Variants in EPHB3 observed in about 807,000 individuals in gnomAD.
EPHB3 encodes EPH receptor B3.
Under a neutral mutation model 100.2 loss-of-function variants are expected in EPHB3, and 33 were observed. The ratio of observed to expected loss-of-function variants is 0.33; its 90% CI spans 0.25 to 0.44. EPHB3 has a LOEUF of 0.44. Among genes scored for constraint, EPHB3 ranks in the 20% least tolerant of loss-of-function variants. EPHB3 has a pLI of 1.00. For missense variants in EPHB3, 1,045 were observed against 1,378.3 expected (o/e 0.76, Z 3.83); for synonymous variants, 526 against 554.7 (o/e 0.95, Z 0.73).
rs965837633 is a variant in EPHB3 at position 184,573,263 on chromosome 3, A to G, written c.856+87A>G. The stretch of plus-strand genomic sequence containing the variant: ...GCCCCGCCCCCCACCCCTGCTTGCT[A>G]TCTGACTAGGAGGTCTGGGAGCAGG... On this transcript the variant is annotated intron_variant, in intron 3 of 15. Coordinates refer to ENST00000330394, the MANE Select transcript of EPHB3 (RefSeq NM_004443.4). The surrounding 1 kb of genome is among the most constrained non-coding windows in gnomAD (Gnocchi z 4.5). 97 of 1,531,408 alleles carry G rather than the reference A, an allele frequency of 6.3e-5. 4 individuals carry two copies. The highest frequency in any genetic ancestry group is 2.2e-4 in the Admixed American group (12 of 54,680). The allele number at this position is 1,531,408 out of a possible 1,614,324, so 94.9% of individuals were successfully genotyped here.
In EPHB3 at chr3:184,573,116, G is replaced by A. The variant is rs1313052497; in HGVS notation, c.796G>A (p.Val266Met). The change falls in exon 3 of 16, where the codon GTG becomes ATG. Residue 266 changes from valine (V) to methionine (M), a missense_variant. Physicochemically the swap from Val to Met is conservative, Grantham distance 21. Coordinates refer to ENST00000330394, the MANE Select transcript of EPHB3 (RefSeq NM_004443.4). This position sits in a 1 kb window ranked among gnomAD's most constrained non-coding sequence, Gnocchi z 4.5. Reference protein sequence around the residue: ...CNGDGEWMVPVGACTCATGHE... With the variant: ...CNGDGEWMVPMGACTCATGHE... ...CGGCGATGGGGAGTGGATGGTGCCT[G>A]TGGGTGCCTGCACCTGTGCCACCGG... 6.2e-7 allele frequency: 1 copy of A among 1,612,844 alleles called. No homozygotes were observed. Among genetic ancestry groups the A allele is most frequent in the Non-Finnish European group, 8.5e-7 (1 of 1,180,030 alleles).
rs1041368667 is a variant in EPHB3, at chr3:184,571,146, G to T, written c.119-172G>T. On this transcript the variant is annotated intron_variant, in intron 1 of 15. Coordinates refer to ENST00000330394, the MANE Select transcript of EPHB3 (RefSeq NM_004443.4). The surrounding 1 kb of genome is among the most constrained non-coding windows in gnomAD (Gnocchi z 5.0). ...ATTTTGTATTTTTAGTAGAGATGGG[G>T]TTTCAACATGTTGGTCAGACTGATC... Among the ~76,000 whole-genome samples, 6 of 151,950 alleles carry T rather than the reference G, an allele frequency of 3.9e-5. No individual in the cohort carries two copies. Among genetic ancestry groups the T allele is most frequent in the Non-Finnish European group, 7.4e-5 (5 of 67,986 alleles).
chr3:184,581,586 G>C lies in EPHB3; in HGVS notation c.2961G>C (p.Arg987=). Residue 987 remains arginine, a synonymous_variant, in exon 16 of 16, where the codon CGG becomes CGC. Transcript: ENST00000330394. ...TCCTGAGCAGTATCCAGGACATGCG[G>C]CTGCAGATGAACCAGACGCTGCCTG... The part of the protein sequence containing the change: ...KKILSSIQDM[R]LQMNQTLPVQ... 1 of 1,613,588 alleles carries C rather than the reference G, an allele frequency of 6.2e-7. No individual in the cohort carries two copies. Among genetic ancestry groups the C allele is most frequent in the Non-Finnish European group, 8.5e-7 (1 of 1,179,864 alleles).
At chr3:184,564,352 C>T (rs1174019452) in intron 1 of EPHB3, among the ~76,000 whole-genome samples, 1 of 152,222 alleles carries the variant, frequency 6.6e-6, no homozygotes, top group African/African-American at 2.4e-5. Context: ...GTCTCCAGTT[C>T]GTGCGTGGGA....
rs199652134 is a variant in EPHB3, at chr3:184,575,998, G to A, written c.1012+13G>A. 8 of 1,600,014 alleles carry A rather than the reference G, an allele frequency of 5.0e-6. No homozygotes were observed. The highest frequency in any genetic ancestry group is 2.3e-5 in the East Asian group (1 of 43,622). ...AGTGCCTGTACCAGTGAGTGAACGC[G>A]TGACCTCTCTTTCCCTCTGCAGGCC... On this transcript the variant is annotated intron_variant, in intron 4 of 15. Transcript: ENST00000330394.
rs1714727585 is a variant in EPHB3 at position 184,578,128 on chromosome 3, T to G, written c.1748+122T>G. ...CTCAGACCCAGGGCCTTAGCCCTCC[T>G]GGGGCCAGCCGTTGCTGGAGAAGCC... On this transcript the variant is annotated intron_variant, in intron 8 of 15. Transcript: ENST00000330394. This position sits in a 1 kb window ranked among gnomAD's most constrained non-coding sequence, Gnocchi z 4.7. 4 of 1,147,540 alleles carry G rather than the reference T, an allele frequency of 3.5e-6. No individual in the cohort carries two copies. The Admixed American group carries it at 1.1e-4, about 30-fold the overall frequency. 71.1% of individuals were successfully genotyped at this position (1,147,540 alleles called of 1,614,324 possible).
At position 184,581,668 on chromosome 3, in the gene EPHB3, C is replaced by T; in HGVS notation, c.*46C>T. ...CTGAGGACCGTGCAGGGATGCCAAGCAGCCGGCTGGACTTTCGGACTCTTG... is the reference window on the plus strand; with the variant it reads ...CTGAGGACCGTGCAGGGATGCCAAGTAGCCGGCTGGACTTTCGGACTCTTG... On this transcript the variant is annotated 3_prime_UTR_variant, in exon 16 of 16. Transcript: ENST00000330394. 6.7e-7 allele frequency: 1 copy of T among 1,501,150 alleles called. No homozygotes were observed. The highest frequency in any genetic ancestry group is 8.9e-7 in the Non-Finnish European group (1 of 1,121,504). The allele number at this position is 1,501,150 out of a possible 1,614,324, so 93.0% of individuals were successfully genotyped here. A position where few individuals can be genotyped will look rare whatever the true frequency, so the allele number is the denominator to read the frequency against.
chr3:184,573,155 G>A lies in EPHB3; in HGVS notation c.835G>A (p.Ala279Thr), dbSNP rs1482637829. Residue 279 changes from alanine to threonine, a missense_variant, in exon 3 of 16, where the codon GCC becomes ACC. Transcript: ENST00000330394. This position sits in a 1 kb window ranked among gnomAD's most constrained non-coding sequence, Gnocchi z 4.5. The stretch of plus-strand genomic sequence containing the variant: ...CTGTGCCACCGGCCATGAGCCAGCT[G>A]CCAAGGAGTCCCAGTGCCGCCGTGA... The part of the protein sequence containing the change: ...CTCATGHEPA[A>T]KESQCRPCPP... The A allele has an allele frequency of 5.0e-6, 8 of 1,612,374 alleles. No individual in the cohort carries two copies. Among genetic ancestry groups the A allele is most frequent in the Non-Finnish European group, 6.8e-6 (8 of 1,180,022 alleles).
At position 184,577,372 on chromosome 3, in the gene EPHB3, C is replaced by A; in HGVS notation, c.1384C>A (p.His462Asn). 6.2e-7 allele frequency: 1 copy of A among 1,613,812 alleles called. No homozygotes were observed. Among genetic ancestry groups the A allele is most frequent in the South Asian group, 1.1e-5 (1 of 91,082 alleles). ...APSEVPTLRL[H>N]SSSGSSLTLS... ...GTCTGAAGTGCCCACACTACGCCTG[C>A]ACAGCAGCTCAGGCAGCAGCCTCAC... Residue 462 changes from histidine (H) to asparagine (N), a missense_variant, in exon 6 of 16, where the codon CAC becomes AAC. By Grantham distance (68) the His-to-Asn change is moderately conservative. Around this residue, in one of 2 missense-constraint regions of EPHB3, gnomAD observed 985 missense variants for 1,331.1 expected, o/e 0.74. Coordinates refer to ENST00000330394, the MANE Select transcript of EPHB3 (RefSeq NM_004443.4). This position sits in a 1 kb window ranked among gnomAD's most constrained non-coding sequence, Gnocchi z 4.9.
In EPHB3 at chr3:184,562,406, C is replaced by T; in HGVS notation, c.118+53C>T. The T allele has an allele frequency of 8.4e-7, 1 of 1,183,578 alleles. No homozygotes were observed. Among genetic ancestry groups the T allele is most frequent in the Admixed American group, 4.6e-5 (1 of 21,804 alleles). 73.3% of individuals were successfully genotyped at this position (1,183,578 alleles called of 1,614,324 possible). A position where few individuals can be genotyped will look rare whatever the true frequency, so the allele number is the denominator to read the frequency against. ...GAACAAGGTGCCTGGGGTCGCGGGG[C>T]TGCGGGCTAGCAGCGTGGGTCCGAC... On this transcript the variant is annotated intron_variant, in intron 1 of 15. Transcript: ENST00000330394. This position sits in a 1 kb window ranked among gnomAD's most constrained non-coding sequence, Gnocchi z 4.8.
Position 184,577,603 on chromosome 3 carries a change from G to A in EPHB3, c.1480-55G>A. On this transcript the variant is annotated intron_variant, in intron 6 of 15. Transcript: ENST00000330394. This position sits in a 1 kb window ranked among gnomAD's most constrained non-coding sequence, Gnocchi z 4.9. Reference sequence around the variant, plus strand: ...TGTGGCAGGCCTGGGTGTGAATAGGGGCTGGTTGGCCTCAGGACCCACCTG... The same window carrying A: ...TGTGGCAGGCCTGGGTGTGAATAGGAGCTGGTTGGCCTCAGGACCCACCTG... 1.3e-6 allele frequency: 2 copies of A among 1,570,384 alleles called. No individual in the cohort carries two copies. The highest frequency in any genetic ancestry group is 1.2e-5 in the South Asian group (1 of 83,998).
In EPHB3 at chr3:184,578,301, C is replaced by T; in HGVS notation, c.1749-113C>T. The T allele has an allele frequency of 6.7e-7, 1 of 1,483,476 alleles. No homozygotes were observed. The highest frequency in any genetic ancestry group is 9.3e-7 in the Non-Finnish European group (1 of 1,078,770). 91.9% of individuals were successfully genotyped at this position (1,483,476 alleles called of 1,614,324 possible). ...TGTGACCACCAATTGTGGGACTAGGCCCCAGGCCATCCCCTGTATCCTCTC... is the reference window on the plus strand; with the variant it reads ...TGTGACCACCAATTGTGGGACTAGGTCCCAGGCCATCCCCTGTATCCTCTC... On this transcript the variant is annotated intron_variant, in intron 8 of 15. Coordinates refer to ENST00000330394, the MANE Select transcript of EPHB3 (RefSeq NM_004443.4). The surrounding 1 kb of genome is among the most constrained non-coding windows in gnomAD (Gnocchi z 4.7).
chr3:184,580,069 G>A, intron 11 of EPHB3, 135 bp downstream of exon 11: 2 of 1,358,016 alleles, frequency 1.5e-6, no homozygotes, highest in Non-Finnish European at 2.0e-6. Flanking sequence ...GGAAATGGCA[G>A]GGCCTTCATA....
chr3:184,580,003 A>G (rs1392707138), intron 11 of EPHB3, 69 bp downstream of exon 11: 1 of 1,561,860 alleles, frequency 6.4e-7, no homozygotes, highest in Non-Finnish European at 8.6e-7. Flanking sequence ...CCCCTCCCAC[A>G]AGTCAGACAG....
chr3:184,571,218 T>A lies in EPHB3; in HGVS notation c.119-100T>A. 8.4e-7 allele frequency: 1 copy of A among 1,189,474 alleles called. No individual in the cohort carries two copies. The highest frequency in any genetic ancestry group is 1.2e-6 in the Non-Finnish European group (1 of 803,314). The allele number at this position is 1,189,474 out of a possible 1,614,324, so 73.7% of individuals were successfully genotyped here. On this transcript the variant is annotated intron_variant, in intron 1 of 15. Transcript: ENST00000330394. This position sits in a 1 kb window ranked among gnomAD's most constrained non-coding sequence, Gnocchi z 5.0. ...ATCCACCTGCCTCAGACTCCCAAAGTGCTGGGATTACAGGTGTGAGCCACT... is the reference window on the plus strand; with the variant it reads ...ATCCACCTGCCTCAGACTCCCAAAGAGCTGGGATTACAGGTGTGAGCCACT...
In EPHB3 at chr3:184,578,550, A is replaced by G. The variant is rs1560062980; in HGVS notation, c.1801+84A>G. The G allele has an allele frequency of 2.4e-5, 37 of 1,569,852 alleles. No individual in the cohort carries two copies. On this transcript the variant is annotated intron_variant, in intron 9 of 15. Coordinates refer to ENST00000330394, the MANE Select transcript of EPHB3 (RefSeq NM_004443.4). This position sits in a 1 kb window ranked among gnomAD's most constrained non-coding sequence, Gnocchi z 4.7. The stretch of plus-strand genomic sequence containing the variant: ...CACCCTTCTCCCTGCCTGGGACTTC[A>G]TTCCTTAGAGATAAACCCTGAATGC...
rs572777020 is a variant in EPHB3 at position 184,576,548 on chromosome 3, G to A, written c.1013-294G>A. On this transcript the variant is annotated intron_variant, in intron 4 of 15. Coordinates refer to ENST00000330394, the MANE Select transcript of EPHB3 (RefSeq NM_004443.4). ...ATAGGTGTAAAAACAGATAATGACC[G>A]TAATGTACTAAGAGCTGGGCTAGAA... Among the ~76,000 whole-genome samples the A allele has an allele frequency of 1.6e-4, 24 of 152,352 alleles. No homozygotes were observed. In the South Asian group the frequency reaches 2.5e-3, roughly 16 times the overall value.
At chr3:184,580,257 G>A (rs1479576956) in intron 11 of EPHB3, 145 bp from the exon 12 acceptor site, 1 of 1,004,064 alleles carries the variant, frequency 1.0e-6, no homozygotes, top group Non-Finnish European at 1.5e-6. Flanking sequence ...CACATAGTAG[G>A]GCAGCTCACT....
At chr3:184,580,247 C>G (rs568893010) in intron 11 of EPHB3, among the ~76,000 whole-genome samples, 155 bp from the exon 12 acceptor site, 15 of 152,318 alleles carry the variant, frequency 9.8e-5, no homozygotes, top group African/African-American at 3.6e-4. Context: ...AGATACTTGA[C>G]ACATAGTAGG....
Sources: allele counts gnomAD v4.1 joint callset (sites outside exome capture counted in the v4.1 genomes callset), GRCh38; gene constraint gnomAD v4.1.1; regional missense constraint gnomAD v4.1.1; non-coding constraint Gnocchi (gnomAD v3.1); transcripts MANE v1.5; gene names NCBI Gene and HGNC (gene_info 2026-07-23, HGNC 2026-07-21).